The following RABGEF1 variants were observed in gnomAD, a reference collection of about 807,000 sequenced individuals.
RABGEF1 encodes RAB guanine nucleotide exchange factor 1, also known as rab5 GDP/GTP exchange factor.
A neutral mutation model predicts 57.3 loss-of-function variants in RABGEF1; 26 were observed. The ratio of observed to expected loss-of-function variants is 0.45; its 90% CI spans 0.33 to 0.63. The LOEUF (loss-of-function observed/expected upper bound fraction) is 0.63, where lower values mean the gene tolerates loss of function less well. Ranked by LOEUF, RABGEF1 falls within the 20% of genes least tolerant of loss-of-function variation. The pLI, the probability that RABGEF1 is intolerant of heterozygous loss-of-function variation, is 0.02. For synonymous variants in RABGEF1, 185 were observed against 210.7 expected, an observed-to-expected ratio of 0.88 and a Z score of 1.06; for missense variants, 464 against 607.6, an observed-to-expected ratio of 0.76 and a Z score of 2.48.
At chr7:66,737,598 G>A (rs144188770), upstream of RABGEF1, among the ~76,000 whole-genome samples, 675 of 152,258 alleles carry the variant, frequency 4.4e-3, 2 homozygotes, top group Non-Finnish European at 6.7e-3. Flanking sequence ...GACTGATATA[G>A]TGCTGTTCTC....
chr7:66,752,717 T>A (rs776774409), intron 1 of RABGEF1, among the ~76,000 whole-genome samples: 1 of 152,206 alleles, frequency 6.6e-6, no homozygotes, highest in South Asian at 2.1e-4. Flanking sequence ...CCCAGGCCAG[T>A]TGAATCAGAA....
At chr7:66,716,133 T>G (rs1329804646) in intron 2 of RABGEF1, among the ~76,000 whole-genome samples, 1 of 152,226 alleles carries the variant, frequency 6.6e-6, no homozygotes, top group Non-Finnish European at 1.5e-5. Flanking sequence ...GTACACATTT[T>G]AAATGGTGTT....
intron 1 of RABGEF1, among the ~76,000 whole-genome samples, chr7:66,686,466 T>C (rs6958520): frequency 0.5 from 76,252 of 151,876 alleles, 20,079 homozygotes; most frequent in East Asian, 0.74. Context: ...AGTGATACCC[T>C]GTCTCCATAA....
rs1805461218 is a variant in RABGEF1 at position 66,765,457 on chromosome 7, C to T, written c.-17-6426C>T. Among the ~76,000 whole-genome samples, 3 of 151,868 alleles carry T rather than the reference C, an allele frequency of 2.0e-5. 1 individual carries two copies. In the South Asian group the frequency reaches 6.2e-4, roughly 32 times the overall value. On this transcript the variant is annotated intron_variant, in intron 1 of 8. Transcript: ENST00000284957. ...CAAGTCTTTTGGCATAGATAATAGG[C>T]TCTACTGGAACCAGCTTAAGAAAAA...
Position 66,809,187 on chromosome 7 carries a change from T to G in RABGEF1, c.1379T>G (p.Ile460Ser), listed in dbSNP as rs761810468. ...ATCGTTGAGAAATACCCACTGGAAA[T>G]TAAGCCTCCGAATCAACCGTTAGCA... ...QDIVEKYPLE[I>S]KPPNQPLAAI... The change falls in exon 9 of 9, where the codon ATT becomes AGT. Residue 460 changes from isoleucine (I) to serine (S), a missense_variant. By Grantham distance (142) the Ile-to-Ser change is moderately radical. Coordinates refer to ENST00000284957, the MANE Select transcript of RABGEF1 (RefSeq NM_014504.3). The G allele has an allele frequency of 1.2e-6, 2 of 1,614,190 alleles. No individual in the cohort carries two copies. Among genetic ancestry groups the G allele is most frequent in the Non-Finnish European group, 8.5e-7 (1 of 1,180,040 alleles).
At chr7:66,713,062 G>C (rs1358308818) in intron 2 of RABGEF1, among the ~76,000 whole-genome samples, 1 of 150,502 alleles carries the variant, frequency 6.6e-6, no homozygotes, top group Non-Finnish European at 1.5e-5. Flanking sequence ...CGATCCTCCT[G>C]CCTCAGCTTC....
the RABGEF1 span, among the ~76,000 whole-genome samples, chr7:66,656,692 TGC>T: frequency 6.6e-6 from 1 of 151,930 alleles, no homozygotes; most frequent in East Asian, 1.9e-4. Flanking sequence ...TGATGGCACC[TGC>T]TTGTAATCCC....
chr7:66,685,423 G>T (rs1384473748), intron 1 of RABGEF1, among the ~76,000 whole-genome samples: 1 of 152,116 alleles, frequency 6.6e-6, no homozygotes, highest in Non-Finnish European at 1.5e-5. Context: ...CGGAGGCCAA[G>T]GTGGGAGAAT....
chr7:66,743,268 C>T (rs1314936933), intron 1 of RABGEF1, among the ~76,000 whole-genome samples: 1 of 151,006 alleles, frequency 6.6e-6, no homozygotes, highest in Non-Finnish European at 1.5e-5. Context: ...CAAGATTGTA[C>T]CAATGCACTC....
At position 66,799,492 on chromosome 7, in the gene RABGEF1, A is replaced by G. The variant is rs114862952; in HGVS notation, c.820+78A>G. 1.6e-3 allele frequency: 1,836 copies of G among 1,163,120 alleles called. 23 individuals carry two copies. The African/African-American group carries it at 0.025, about 16-fold the overall frequency. 72.0% of individuals were successfully genotyped at this position (1,163,120 alleles called of 1,614,324 possible). On this transcript the variant is annotated intron_variant, in intron 7 of 8. Transcript: ENST00000284957. ...ATTTTACTGTAATATTCATCTATACATTTGTAAAATGCAGATTGTCGAAGG... is the reference window on the plus strand; with the variant it reads ...ATTTTACTGTAATATTCATCTATACGTTTGTAAAATGCAGATTGTCGAAGG...
At chr7:66,732,267 C>T (rs1585005675) in intron 2 of RABGEF1, among the ~76,000 whole-genome samples, 1 of 152,292 alleles carries the variant, frequency 6.6e-6, no homozygotes, top group South Asian at 2.1e-4. Flanking sequence ...AGGCAGCTGG[C>T]GTCTGGACAC....
chr7:66,778,906 G>C (rs2129131618), intron 3 of RABGEF1, among the ~76,000 whole-genome samples: 1 of 152,174 alleles, frequency 6.6e-6, no homozygotes, highest in South Asian at 2.1e-4. Flanking sequence ...ACCTAAGGTT[G>C]GGAGTTTGAG....
upstream of RABGEF1, among the ~76,000 whole-genome samples, chr7:66,679,378 G>A (rs981106413): frequency 5.3e-5 from 8 of 152,048 alleles, no homozygotes; most frequent in Non-Finnish European, 8.8e-5. Context: ...GCATGATCAC[G>A]GCTCACTGCA....
chr7:66,799,267 G>C, intron 6 of RABGEF1, 56 bp from the exon 7 acceptor site: 15 of 1,449,970 alleles, frequency 1.0e-5, no homozygotes, highest in Non-Finnish European at 1.4e-5. Flanking sequence ...GAGGTGACAA[G>C]ACAAATGGCC....
At chr7:66,800,188 G>A (rs1033856428) in intron 7 of RABGEF1, among the ~76,000 whole-genome samples, 4 of 152,304 alleles carry the variant, frequency 2.6e-5, no homozygotes, top group Non-Finnish European at 5.9e-5. Flanking sequence ...GCTGGCCATC[G>A]AGTAGGCTCC....
chr7:66,772,635 G>A (rs1184615120), intron 2 of RABGEF1, among the ~76,000 whole-genome samples: 4 of 152,154 alleles, frequency 2.6e-5, no homozygotes, highest in African/African-American at 4.8e-5. Flanking sequence ...TGGGCCGGGC[G>A]CAGTGGCTCA....
chr7:66,753,905 C>CT (rs1182378561), intron 1 of RABGEF1, among the ~76,000 whole-genome samples: 1 of 150,722 alleles, frequency 6.6e-6, no homozygotes, highest in Admixed American at 6.6e-5. Context: ...TGGGGTTTTA[C>CT]TGTGTTGGCC....
chr7:66,775,273 C>G lies in RABGEF1; in HGVS notation c.226C>G (p.Gln76Glu). ...GGCCTTTGCCAGCAGTCAGAGCAGC[C>G]AAGGGGCCCAATCCCTCACATTCTC... ...EEAFASSQSS[Q>E]GAQSLTFSKF... The change falls in exon 3 of 9, where the codon CAA becomes GAA. Residue 76 changes from glutamine to glutamate, a missense_variant. Physicochemically the swap from Gln to Glu is conservative, Grantham distance 29 (BLOSUM62 2). Coordinates refer to ENST00000284957, the MANE Select transcript of RABGEF1 (RefSeq NM_014504.3). The G allele has an allele frequency of 6.2e-7, 1 of 1,613,870 alleles. No individual in the cohort carries two copies. The highest frequency in any genetic ancestry group is 8.5e-7 in the Non-Finnish European group (1 of 1,179,816).
chr7:66,769,460 C>A (rs1806547891), intron 1 of RABGEF1, among the ~76,000 whole-genome samples: 1 of 152,210 alleles, frequency 6.6e-6, no homozygotes, highest in South Asian at 2.1e-4. Flanking sequence ...ACATCTCAAT[C>A]TTTAGTTAGG....
Sources: allele counts gnomAD v4.1 joint callset (sites outside exome capture counted in the v4.1 genomes callset), GRCh38; gene constraint gnomAD v4.1.1; transcripts MANE v1.5; gene names NCBI Gene and HGNC (gene_info 2026-07-23, HGNC 2026-07-21).